The following ANK2 variants were observed in gnomAD, a reference collection of about 807,000 sequenced individuals.
ANK2 encodes the protein ankyrin 2, also known as ankyrin-2.
A neutral mutation model predicts 360.5 loss-of-function variants in ANK2; 83 were observed. The ratio of observed to expected loss-of-function variants is 0.23; its 90% CI spans 0.19 to 0.28. The LOEUF is 0.28. Among genes scored for constraint, ANK2 ranks in the 10% least tolerant of loss-of-function variants. ANK2 has a pLI of 1.00. For missense variants in ANK2, 4,201 were observed against 4,795.7 expected (o/e 0.88, Z 3.66); for synonymous variants, 1,740 against 1,759.5 (o/e 0.99, Z 0.28).
At chr4:112,825,625 T>C (rs143930525) in intron 1 of ANK2, among the ~76,000 whole-genome samples, 55 of 152,332 alleles carry the variant, frequency 3.6e-4, no homozygotes, top group African/African-American at 1.3e-3. Flanking sequence ...AGTTCATGGC[T>C]GAGGCACCTA....
chr4:113,075,116 T>G (rs575259128), intron 1 of ANK2, among the ~76,000 whole-genome samples: 1 of 152,342 alleles, frequency 6.6e-6, no homozygotes, highest in South Asian at 2.1e-4. Context: ...TAATAAGATC[T>G]TTGTGTACAC....
chr4:113,280,197 A>G (rs29382), intron 17 of ANK2, among the ~76,000 whole-genome samples: 36,767 of 152,084 alleles, frequency 0.24, 4,756 homozygotes, highest in Admixed American at 0.33. Context: ...TAGGTACTCA[A>G]TGGGAGGTAA....
chr4:112,714,956 A>G, the ANK2 span, among the ~76,000 whole-genome samples: 12 of 152,228 alleles, frequency 7.9e-5, no homozygotes. Context: ...AACAAACCCC[A>G]TCAAACATAG....
chr4:113,117,302 G>C, intron 1 of ANK2: 1 of 456,140 alleles, frequency 2.2e-6, no homozygotes, highest in South Asian at 1.5e-5. Flanking sequence ...GGCTCACGCT[G>C]CTGCTTCTAT....
At chr4:112,830,839 TG>T (rs2059553757) in intron 1 of ANK2, among the ~76,000 whole-genome samples, 1 of 152,126 alleles carries the variant, frequency 6.6e-6, no homozygotes, top group Admixed American at 6.5e-5. Context: ...GGGCTGTGCA[TG>T]GCACTCGCAG....
rs2153924010 is a variant in ANK2, at chr4:113,330,323, T to C, written c.2978T>C (p.Ile993Thr). The change falls in exon 27 of 46, where the codon ATT (isoleucine) becomes ACT (threonine). Residue 993 changes from isoleucine (I) to threonine (T), a missense_variant. Physicochemically the swap from Ile to Thr is moderately conservative, Grantham distance 89. Coordinates refer to ENST00000357077, the MANE Select transcript of ANK2 (RefSeq NM_001148.6). ...GCRHNGLRII[I>T]PPRKCTAPTR... ...AGACACAATGGGCTCCGAATCATTA[T>C]TCCACCTCGGAAATGTACTGCTCCA... The C allele has an allele frequency of 6.2e-7, 1 of 1,614,220 alleles. No individual in the cohort carries two copies. Among genetic ancestry groups the C allele is most frequent in the Non-Finnish European group, 8.5e-7 (1 of 1,180,036 alleles).
intron 10 of ANK2, among the ~76,000 whole-genome samples, chr4:113,253,691 G>A (rs1020338885): frequency 6.6e-6 from 1 of 151,962 alleles, no homozygotes; most frequent in African/African-American, 2.4e-5. Flanking sequence ...CACTAATTCA[G>A]CAGCTTGCCA....
chr4:113,119,671 T>C (rs1429716366), intron 1 of ANK2, among the ~76,000 whole-genome samples: 1 of 152,130 alleles, frequency 6.6e-6, no homozygotes, highest in African/African-American at 2.4e-5. Context: ...CATTTTCATA[T>C]CCATTTGTAG....
At chr4:112,976,665 C>CTT (rs917998528) in intron 2 of ANK2, among the ~76,000 whole-genome samples, 2 of 142,888 alleles carry the variant, frequency 1.4e-5, no homozygotes, top group East Asian at 2.0e-4. Context: ...GCTGTATTTG[C>CTT]TTTTTTTTTT....
chr4:112,850,504 C>CTTTTTTTTTTTTTTTT lies in ANK2; in HGVS notation c.-40+32255_-40+32270dup, dbSNP rs60510554. Among the ~76,000 whole-genome samples the CTTTTTTTTTTTTTTTT allele has an allele frequency of 1.4e-3, 8 of 5,820 alleles. 3 individuals are homozygous for CTTTTTTTTTTTTTTTT. Among genetic ancestry groups the CTTTTTTTTTTTTTTTT allele is most frequent in the Non-Finnish European group, 2.1e-3 (7 of 3,408 alleles). The allele number at this position is 5,820 out of a possible 152,430, so 3.8% of individuals were successfully genotyped here. ...TTTTTTTAACATTTCCTGTGCTAGTCTTTTTTTTTTTTTTTTTTTTTTTTT... is the reference window on the plus strand; with the variant it reads ...TTTTTTTAACATTTCCTGTGCTAGTCTTTTTTTTTTTTTTTTTTTTTTTTTTTTTTTTTTTTTTTTT... On this transcript the variant is annotated intron_variant, in intron 1 of 30. Transcript: ENST00000503271.
At chr4:112,805,413 A>G in the ANK2 span, among the ~76,000 whole-genome samples, 1 of 152,162 alleles carries the variant, frequency 6.6e-6, no homozygotes, top group East Asian at 1.9e-4. Flanking sequence ...GGCCAGGCCA[A>G]CAAGTCAGTC....
intron 1 of ANK2, among the ~76,000 whole-genome samples, chr4:113,172,751 T>C (rs2098030427): frequency 6.6e-6 from 1 of 152,208 alleles, no homozygotes; most frequent in African/African-American, 2.4e-5. Context: ...CTAATACTAT[T>C]TAATTTTTGT....
rs771225003 is a variant in ANK2 at position 113,373,437 on chromosome 4, C to T, written c.11847C>T (p.Thr3949=). 23 of 1,613,920 alleles carry T rather than the reference C, an allele frequency of 1.4e-5. 1 individual carries two copies. In the South Asian group the frequency reaches 1.5e-4, roughly 11 times the overall value. ...VIKRVVLKSD[T]EQSEDNNE is the part of the protein sequence containing the mutation. Reference sequence around the variant, plus strand: ...AGCGTGTTGTATTGAAGAGTGACACCGAGCAGTCAGAGGTGAGACAACCTG... The same window carrying T: ...AGCGTGTTGTATTGAAGAGTGACACTGAGCAGTCAGAGGTGAGACAACCTG... Residue 3949 remains threonine, a synonymous_variant, in exon 45 of 46, where the codon ACC becomes ACT. Coordinates refer to ENST00000357077, the MANE Select transcript of ANK2 (RefSeq NM_001148.6).
intron 1 of ANK2, among the ~76,000 whole-genome samples, chr4:112,832,253 C>G (rs981976645): frequency 1.3e-5 from 2 of 152,180 alleles, no homozygotes; most frequent in Non-Finnish European, 2.9e-5. Flanking sequence ...GGGTTTCACC[C>G]TGTTAACCAG....
At chr4:113,164,489 G>GCC (rs893600670) in intron 1 of ANK2, among the ~76,000 whole-genome samples, 1 of 152,176 alleles carries the variant, frequency 6.6e-6, no homozygotes, top group Admixed American at 6.5e-5. Context: ...AGTGTGTGCA[G>GCC]CCCTTGGGGT....
intron 1 of ANK2, among the ~76,000 whole-genome samples, chr4:112,902,286 A>C (rs2083687097): frequency 6.6e-6 from 1 of 152,200 alleles, no homozygotes; most frequent in South Asian, 2.1e-4. Flanking sequence ...CTAAAATTAA[A>C]AGTAGCTGAG....
intron 1 of ANK2, among the ~76,000 whole-genome samples, chr4:113,163,066 A>T (rs1170460594): frequency 6.6e-6 from 1 of 152,182 alleles, no homozygotes; most frequent in African/African-American, 2.4e-5. Context: ...CAACTCAGTG[A>T]GTTAAACTGG....
intron 10 of ANK2, among the ~76,000 whole-genome samples, chr4:113,250,757 C>CCCT (rs1554339992): frequency 8.1e-6 from 1 of 123,350 alleles, no homozygotes; most frequent in South Asian, 3.3e-4. Context: ...ATACCACCGC[C>CCCT]CCCCCCCCCG....
chr4:112,984,647 T>C (rs2044251504), intron 2 of ANK2, among the ~76,000 whole-genome samples: 1 of 152,176 alleles, frequency 6.6e-6, no homozygotes, highest in Admixed American at 6.5e-5. Context: ...GGCCAGGTCT[T>C]TTTTACTATG....
Sources: gnomAD v4.1 joint callset for allele counts (sites outside exome capture counted in the v4.1 genomes callset) on GRCh38, gnomAD v4.1.1 for gene constraint, MANE v1.5 for transcripts, NCBI Gene and HGNC (gene_info 2026-07-23, HGNC 2026-07-21) for gene names.